Variants in DNAH8 observed in about 807,000 individuals in gnomAD.
DNAH8 encodes the protein axonemal beta dynein heavy chain 8.
A neutral mutation model predicts 562.1 loss-of-function variants in DNAH8; 382 were observed. The observed-to-expected ratio is 0.68, with a 90% CI of 0.63 to 0.74. The LOEUF (loss-of-function observed/expected upper bound fraction) is 0.74. DNAH8 is among the 30% of genes least tolerant of loss of function. The pLI is 0.00. For missense variants in DNAH8, 5,203 were observed against 5,620.4 expected (o/e 0.93, Z 2.37); for synonymous variants, 1,881 against 1,919.4 (o/e 0.98, Z 0.52).
intron 26 of DNAH8, 103 bp downstream of exon 26, chr6:38,815,760 A>C (rs1391460202): frequency 3.6e-6 from 4 of 1,108,150 alleles, no homozygotes; most frequent in Non-Finnish European, 5.0e-6. Flanking sequence ...TTGCATTTAA[A>C]AAATAGTATG....
intron 91 of DNAH8, among the ~76,000 whole-genome samples, chr6:39,025,238 T>C (rs1354543441): frequency 1.3e-5 from 2 of 152,188 alleles, no homozygotes; most frequent in South Asian, 2.1e-4. Context: ...TTCCACTTCA[T>C]CTTCTCAATT....
intron 66 of DNAH8, among the ~76,000 whole-genome samples, 159 bp downstream of exon 66, chr6:38,911,745 C>T (rs929209544): frequency 4.6e-5 from 7 of 152,104 alleles, no homozygotes; most frequent in African/African-American, 1.2e-4. Flanking sequence ...TTTGACCTGT[C>T]GAGAAACTCT....
At chr6:38,992,028 C>T (rs1314953951) in intron 88 of DNAH8, among the ~76,000 whole-genome samples, 3 of 152,086 alleles carry the variant, frequency 2.0e-5, no homozygotes, top group Admixed American at 6.5e-5. Context: ...TGCAATGGCA[C>T]GATCTTGGCT....
At chr6:38,828,823 T>A (rs1773588622) in intron 30 of DNAH8, among the ~76,000 whole-genome samples, 1 of 152,170 alleles carries the variant, frequency 6.6e-6, no homozygotes, top group Admixed American at 6.5e-5. Context: ...ACCACCATCA[T>A]TGTCTAATTT....
chr6:39,030,220 T>A lies in DNAH8; in HGVS notation c.13952T>A (p.Ile4651Asn). The change falls in exon 93 of 93, where the codon ATC becomes AAC. Residue 4651 changes from isoleucine (I) to asparagine (N), a missense_variant. Coordinates refer to ENST00000327475, the MANE Select transcript of DNAH8 (RefSeq NM_001206927.2). ...TTCACGCAGTTACCCGTGCTCCACATCTTTGCCATTAACTCCACGGCACCC... is the reference window on the plus strand; with the variant it reads ...TTCACGCAGTTACCCGTGCTCCACAACTTTGCCATTAACTCCACGGCACCC... The part of the protein sequence containing the change: ...VLFTQLPVLH[I>N]FAINSTAPKD... The A allele has an allele frequency of 6.2e-7, 1 of 1,614,104 alleles. No individual in the cohort carries two copies.
chr6:38,929,959 A>G lies in DNAH8; in HGVS notation c.11274+293A>G, dbSNP rs73426201. Among the ~76,000 whole-genome samples the G allele has an allele frequency of 6.5e-3, 997 of 152,254 alleles. 14 individuals are homozygous for G. The highest frequency in any genetic ancestry group is 0.023 in the African/African-American group (940 of 41,566). ...CGTTTAGCTAAAACTAAGTAACATT[A>G]AGGAAACACATTGTCTGGTCTTAAT... is the stretch of plus-strand genomic sequence containing the variant. On this transcript the variant is annotated intron_variant, in intron 75 of 92. Coordinates refer to ENST00000327475, the MANE Select transcript of DNAH8 (RefSeq NM_001206927.2).
intron 3 of DNAH8, 54 bp from the exon 4 acceptor site, chr6:38,729,848 T>C (rs1472494940): frequency 3.1e-6 from 3 of 955,944 alleles, no homozygotes; most frequent in Non-Finnish European, 4.9e-6. Context: ...ATCTGCAAAA[T>C]ACTAAGAATT....
intron 91 of DNAH8, among the ~76,000 whole-genome samples, chr6:39,013,800 A>C (rs949619836): frequency 6.6e-6 from 1 of 152,008 alleles, no homozygotes; most frequent in African/African-American, 2.4e-5. Flanking sequence ...GCAGTGAGCC[A>C]TAATTGCACC....
At chr6:38,887,225 A>G (rs973652243) in intron 57 of DNAH8, among the ~76,000 whole-genome samples, 2 of 152,216 alleles carry the variant, frequency 1.3e-5, no homozygotes, top group African/African-American at 4.8e-5. Flanking sequence ...GAAAGTTAAC[A>G]TTAGACGTAA....
intron 22 of DNAH8, 112 bp from the exon 23 acceptor site, chr6:38,805,369 T>G (rs1349346297): frequency 4.4e-6 from 3 of 674,412 alleles, no homozygotes; most frequent in Non-Finnish European, 7.8e-6. Context: ...AAAAACAGTT[T>G]TAAAAGTAAG....
At chr6:38,813,765 G>A (rs1772006888) in intron 24 of DNAH8, among the ~76,000 whole-genome samples, 1 of 152,060 alleles carries the variant, frequency 6.6e-6, no homozygotes, top group Admixed American at 6.5e-5. Flanking sequence ...TGCAGGGCTG[G>A]GAACAAAGAA....
intron 21 of DNAH8, among the ~76,000 whole-genome samples, chr6:38,792,952 AC>A (rs201433443): frequency 5.2e-5 from 7 of 135,224 alleles, no homozygotes; most frequent in Admixed American, 1.6e-4. Flanking sequence ...CTAATTAAAA[AC>A]ATTTTTTTTG....
At chr6:38,847,047 A>C (rs540906379) in intron 36 of DNAH8, among the ~76,000 whole-genome samples, 11 of 152,262 alleles carry the variant, frequency 7.2e-5, no homozygotes, top group Middle Eastern at 6.8e-3. Context: ...GTAGTGAGTC[A>C]TACCTGCTGG....
At chr6:38,961,405 A>G (rs931902586) in intron 82 of DNAH8, among the ~76,000 whole-genome samples, 2 of 152,160 alleles carry the variant, frequency 1.3e-5, no homozygotes, top group Admixed American at 6.5e-5. Flanking sequence ...CACTGTACCC[A>G]TAAATATTTA....
chr6:38,725,730 G>T (rs551130455), intron 3 of DNAH8, among the ~76,000 whole-genome samples: 29 of 152,178 alleles, frequency 1.9e-4, no homozygotes, highest in Non-Finnish European at 1.6e-4. Flanking sequence ...CCTGTGCTTA[G>T]AATGTCACTA....
chr6:39,026,572 G>T lies in DNAH8; in HGVS notation c.13741G>T (p.Val4581Leu). Residue 4581 changes from valine to leucine, a missense_variant, in exon 92 of 93, where the codon GTG becomes TTG. Around this residue, in one of 6 missense-constraint regions of DNAH8, gnomAD observed 1,399 missense variants for 1,518.4 expected, o/e 0.92. Transcript: ENST00000327475. ...QGFLTAMRQE[V>L]TRAHKGWALD... Reference sequence around the variant, plus strand: ...CTTCCTCACAGCAATGAGGCAAGAAGTGACCCGTGCCCACAAAGGCTGGGC... The same window carrying T: ...CTTCCTCACAGCAATGAGGCAAGAATTGACCCGTGCCCACAAAGGCTGGGC... 6.2e-7 allele frequency: 1 copy of T among 1,613,196 alleles called. No homozygotes were observed. The highest frequency in any genetic ancestry group is 2.2e-5 in the East Asian group (1 of 44,874).
rs529483073 is a variant in DNAH8, at chr6:38,766,577, C to T, written c.1618-3836C>T. On this transcript the variant is annotated intron_variant, in intron 11 of 92. Transcript: ENST00000327475. ...TCTCAGCTCAATGCAACCTCCGCCT[C>T]CTGGGCTCAAGCCATCCTCCCACCT... is the stretch of plus-strand genomic sequence containing the variant. 6.6e-5 allele frequency among the ~76,000 whole-genome samples: 10 copies of T among 152,268 alleles called. 1 individual carries two copies. The South Asian group carries it at 1.9e-3, about 28-fold the overall frequency.
chr6:38,920,632 G>A (rs1338638485), intron 70 of DNAH8, among the ~76,000 whole-genome samples: 2 of 152,066 alleles, frequency 1.3e-5, no homozygotes, highest in African/African-American at 4.8e-5. Context: ...AAAAATGGGT[G>A]GGTGGACAAA....
intron 1 of DNAH8, among the ~76,000 whole-genome samples, chr6:38,716,183 G>A (rs537038677): frequency 1.3e-5 from 2 of 150,148 alleles, no homozygotes; most frequent in South Asian, 4.2e-4. Flanking sequence ...AGATGGTCTC[G>A]ATCTCCTGAC....
Sources: gnomAD v4.1 joint callset for allele counts (sites outside exome capture counted in the v4.1 genomes callset) on GRCh38, gnomAD v4.1.1 for gene constraint, gnomAD v4.1.1 regional missense constraint, MANE v1.5 for transcripts, NCBI Gene and HGNC (gene_info 2026-07-23, HGNC 2026-07-21) for gene names.